Variants in TNNI3K observed in about 807,000 individuals in gnomAD.
TNNI3K encodes serine/threonine-protein kinase TNNI3K.
In TNNI3K, 140 loss-of-function variants were observed where a neutral mutation model predicts 114.5. The observed-to-expected ratio is 1.22, with a 90% CI of 1.07 to 1.41. The LOEUF (loss-of-function observed/expected upper bound fraction) is 1.41, where lower values mean the gene tolerates loss of function less well. Ranked by LOEUF, TNNI3K falls within the 40% of genes most tolerant of loss-of-function variation. The pLI, the probability that TNNI3K is intolerant of heterozygous loss-of-function variation, is 0.00. For synonymous variants in TNNI3K, 347 were observed against 347.5 expected, an observed-to-expected ratio of 1.00 and a Z score of 0.02; for missense variants, 1,125 against 1,007.6, an observed-to-expected ratio of 1.12 and a Z score of -1.58.
chr1:74,361,710 A>T (rs1321807621), intron 11 of TNNI3K, among the ~76,000 whole-genome samples: 1 of 152,126 alleles, frequency 6.6e-6, no homozygotes, highest in Non-Finnish European at 1.5e-5. Flanking sequence ...CACAAAATTC[A>T]AGGATACTAT....
At chr1:74,281,611 C>G (rs915587880) in intron 5 of TNNI3K, among the ~76,000 whole-genome samples, 4 of 152,038 alleles carry the variant, frequency 2.6e-5, no homozygotes, top group Non-Finnish European at 4.4e-5. Flanking sequence ...CTTTTTCGAT[C>G]TTTCAGCAGA....
intron 17 of TNNI3K, among the ~76,000 whole-genome samples, chr1:74,403,468 A>G (rs1444235799): frequency 6.6e-6 from 1 of 152,144 alleles, no homozygotes; most frequent in Non-Finnish European, 1.5e-5. Context: ...CAGTATGTCA[A>G]TACTAATTAA....
intron 17 of TNNI3K, among the ~76,000 whole-genome samples, chr1:74,419,230 G>C (rs1431245115): frequency 6.6e-6 from 1 of 152,046 alleles, no homozygotes; most frequent in Non-Finnish European, 1.5e-5. Context: ...CTCCTTCTTT[G>C]CATCACCTTC....
intron 17 of TNNI3K, chr1:74,378,620 A>G: frequency 1.3e-5 from 1 of 78,606 alleles, no homozygotes; most frequent in South Asian, 4.1e-4. Flanking sequence ...ATATATATAT[A>G]TATATATATA....
intron 23 of TNNI3K, among the ~76,000 whole-genome samples, chr1:74,513,899 A>G (rs1010251085): frequency 1.3e-5 from 2 of 152,214 alleles, no homozygotes; most frequent in Non-Finnish European, 2.9e-5. Flanking sequence ...TGCAAAGCTC[A>G]GATGCATCTG....
intron 17 of TNNI3K, among the ~76,000 whole-genome samples, chr1:74,380,890 G>A (rs1663168663): frequency 6.6e-6 from 1 of 152,042 alleles, no homozygotes; most frequent in Non-Finnish European, 1.5e-5. Flanking sequence ...TAAGATTCTG[G>A]AGTTTAATTG....
intron 21 of TNNI3K, chr1:74,480,503 T>C (rs1444025282): frequency 2.8e-6 from 2 of 717,524 alleles, no homozygotes; most frequent in South Asian, 3.0e-5. Flanking sequence ...AAGGTCCACT[T>C]CCTGTAGTTG....
intron 7 of TNNI3K, among the ~76,000 whole-genome samples, chr1:74,339,398 A>G (rs1660642353): frequency 6.6e-6 from 1 of 152,246 alleles, no homozygotes. Context: ...TGCTATGCCA[A>G]TGGACACTGT....
At chr1:74,485,204 G>T (rs1446184445) in intron 21 of TNNI3K, among the ~76,000 whole-genome samples, 1 of 152,190 alleles carries the variant, frequency 6.6e-6, no homozygotes, top group Non-Finnish European at 1.5e-5. Flanking sequence ...TAACTTGGAT[G>T]CTTTAAGAAG....
chr1:74,438,091 C>T (rs1666217725), intron 19 of TNNI3K, among the ~76,000 whole-genome samples: 1 of 151,216 alleles, frequency 6.6e-6, no homozygotes, highest in South Asian at 2.1e-4. Context: ...GACTATGCTG[C>T]TAGAATAAGA....
chr1:74,427,513 C>T (rs1026958172), intron 17 of TNNI3K, among the ~76,000 whole-genome samples: 4 of 152,086 alleles, frequency 2.6e-5, no homozygotes, highest in African/African-American at 9.7e-5. Flanking sequence ...TCAAAAACCT[C>T]TGTTCATCCA....
At chr1:74,237,175 T>G (rs929092917) in intron 2 of TNNI3K, among the ~76,000 whole-genome samples, 47 of 152,064 alleles carry the variant, frequency 3.1e-4, no homozygotes, top group African/African-American at 9.4e-4. Flanking sequence ...AGTGTTCAAC[T>G]TATGGTTCAA....
rs922474262 is a variant in TNNI3K, at chr1:74,236,535, G to A, written c.149+325G>A. On this transcript the variant is annotated intron_variant, in intron 2 of 24. Coordinates refer to ENST00000326637, the MANE Select transcript of TNNI3K (RefSeq NM_015978.3). The stretch of plus-strand genomic sequence containing the variant: ...TTAGATCATTCTTGTAAACCATGCC[G>A]GCAATGAAAAGCAAGATTTTTCTTC... Among the ~76,000 whole-genome samples, 14 of 151,702 alleles carry A rather than the reference G, an allele frequency of 9.2e-5. No individual in the cohort carries two copies. In the East Asian group the frequency reaches 1.9e-3, roughly 21 times the overall value.
intron 5 of TNNI3K, among the ~76,000 whole-genome samples, chr1:74,316,210 A>G (rs1428225955): frequency 6.6e-6 from 1 of 152,214 alleles, no homozygotes; most frequent in African/African-American, 2.4e-5. Context: ...AACAAGAAAC[A>G]TAAAACTGCC....
chr1:74,339,284 G>A (rs1308728967), intron 7 of TNNI3K, among the ~76,000 whole-genome samples: 3 of 152,022 alleles, frequency 2.0e-5, no homozygotes, highest in Admixed American at 1.3e-4. Flanking sequence ...GTCAAGAGAC[G>A]GCGTGACTCA....
At chr1:74,240,486 A>G (rs1353774193) in intron 2 of TNNI3K, 1 of 152,214 alleles carries the variant, frequency 6.6e-6, no homozygotes, top group African/African-American at 2.4e-5. Flanking sequence ...AATTTGTATG[A>G]TTTACCTAGG....
intron 17 of TNNI3K, among the ~76,000 whole-genome samples, chr1:74,385,352 A>T (rs866317740): frequency 6.6e-6 from 1 of 152,156 alleles, no homozygotes; most frequent in South Asian, 2.1e-4. Context: ...AACTCATCAA[A>T]TTGTAGTCTT....
intron 21 of TNNI3K, among the ~76,000 whole-genome samples, chr1:74,487,307 C>A (rs1668815647): frequency 6.6e-6 from 1 of 151,928 alleles, no homozygotes. Flanking sequence ...AAAGTGAGGG[C>A]AAATTATGTA....
chr1:74,450,665 A>G (rs889579894), intron 20 of TNNI3K, among the ~76,000 whole-genome samples: 1 of 152,210 alleles, frequency 6.6e-6, no homozygotes, highest in African/African-American at 2.4e-5. Context: ...ATCACTGATC[A>G]TTAGAGAAAC....
Sources: gnomAD v4.1 joint callset for allele counts (sites outside exome capture counted in the v4.1 genomes callset) on GRCh38, gnomAD v4.1.1 for gene constraint, MANE v1.5 for transcripts, NCBI Gene and HGNC (gene_info 2026-07-23, HGNC 2026-07-21) for gene names.